GCFC2: variants seen among roughly 807,000 people sequenced by gnomAD.
GCFC2 encodes GC-rich sequence DNA-binding factor 2.
A neutral mutation model predicts 99.4 loss-of-function variants in GCFC2; 102 were observed. That is an observed-to-expected ratio of 1.03 (90% CI 0.87 to 1.21). GCFC2 has a LOEUF of 1.21. Ranked by LOEUF, GCFC2 falls within the 50% of genes most tolerant of loss-of-function variation. The probability of loss-of-function intolerance (pLI) is 0.00; values close to 1 mark genes in which losing one functional copy is unlikely to be tolerated. For synonymous variants in GCFC2, 338 were observed against 316.8 expected, an observed-to-expected ratio of 1.07 and a Z score of -0.71; for missense variants, 973 against 920.9, an observed-to-expected ratio of 1.06 and a Z score of -0.73.
chr2:75,674,955 T>C (rs1263793097), intron 12 of GCFC2, among the ~76,000 whole-genome samples: 1 of 152,172 alleles, frequency 6.6e-6, no homozygotes, highest in Non-Finnish European at 1.5e-5. Context: ...CTAGACAGTA[T>C]CTCCAAAAAA....
intron 8 of GCFC2, among the ~76,000 whole-genome samples, 194 bp from the exon 9 acceptor site, chr2:75,690,275 T>C (rs1048461974): frequency 2.0e-5 from 3 of 152,198 alleles, no homozygotes; most frequent in African/African-American, 7.2e-5. Flanking sequence ...TAGTTTGAGT[T>C]GGTGGTTCTG....
intron 1 of GCFC2, among the ~76,000 whole-genome samples, chr2:75,708,450 A>G (rs1450813866): frequency 1.3e-5 from 2 of 151,264 alleles, no homozygotes; most frequent in African/African-American, 4.9e-5. Flanking sequence ...CAGAGTTTTA[A>G]GGTAAGAGCA....
chr2:75,710,782 G>A lies in GCFC2; in HGVS notation c.74C>T (p.Ser25Leu). 1 of 1,575,852 alleles carries A rather than the reference G, an allele frequency of 6.3e-7. No individual in the cohort carries two copies. Among genetic ancestry groups the A allele is most frequent in the Non-Finnish European group, 8.6e-7 (1 of 1,166,304 alleles). ...DSSDSDGAEE[S>L]PAEPGAPREL... ...CCTCGGCGCCCCAGGCTCAGCAGGC[G>A]ACTCCTCGGCGCCATCGCTGTCGCT... The change falls in exon 1 of 17, where the codon TCG (serine) becomes TTG (leucine). Residue 25 changes from serine to leucine, a missense_variant. Ser to Leu is a moderately radical substitution (Grantham distance 145). Transcript: ENST00000321027.
intron 6 of GCFC2, among the ~76,000 whole-genome samples, chr2:75,692,613 C>T (rs1680135603): frequency 6.6e-6 from 1 of 151,284 alleles, no homozygotes; most frequent in Admixed American, 6.6e-5. Context: ...CACCACTGCA[C>T]TCCAGCCTGG....
In GCFC2 at chr2:75,694,553, T is replaced by C. The variant is rs75383497; in HGVS notation, c.834-126A>G. ...TATAAATCTGGGTTTATAGACTAGA[T>C]AAGCAAAGAACACCACAATAAAAGG... On this transcript the variant is annotated intron_variant, in intron 5 of 16. Coordinates refer to ENST00000321027, the MANE Select transcript of GCFC2 (RefSeq NM_003203.5). The C allele has an allele frequency of 9.5e-4, 386 of 407,684 alleles. 3 individuals carry two copies. Among genetic ancestry groups the C allele is most frequent in the Non-Finnish European group, 6.1e-4 (143 of 235,634 alleles). 25.3% of individuals were successfully genotyped at this position (407,684 alleles called of 1,614,324 possible).
At chr2:75,710,196 T>C (rs1020939236) in intron 1 of GCFC2, among the ~76,000 whole-genome samples, 7 of 152,228 alleles carry the variant, frequency 4.6e-5, no homozygotes, top group Non-Finnish European at 1.0e-4. Context: ...AAAGATAAGT[T>C]GGTCAAGTGT....
In GCFC2 at chr2:75,706,682, AAG is replaced by A. The variant is rs777245740; in HGVS notation, c.266-33_266-32del. 11 of 1,469,088 alleles carry A rather than the reference AAG, an allele frequency of 7.5e-6. 1 individual carries two copies. In the South Asian group the frequency reaches 1.3e-4, roughly 18 times the overall value. The allele number at this position is 1,469,088 out of a possible 1,614,324, so 91.0% of individuals were successfully genotyped here. On this transcript the variant is annotated intron_variant, in intron 1 of 16. Transcript: ENST00000321027. ...AGGACATTTTAAAAATACAACAAAA[AAG>A]AGTCAAAATAATGGAATTATTAATT... is the stretch of plus-strand genomic sequence containing the variant.
intron 10 of GCFC2, among the ~76,000 whole-genome samples, chr2:75,688,819 G>A (rs1679927765): frequency 6.6e-6 from 1 of 152,078 alleles, no homozygotes; most frequent in African/African-American, 2.4e-5. Flanking sequence ...TTGCTTTACT[G>A]ATGTTAATGA....
chr2:75,681,283 G>A (rs951671235), intron 11 of GCFC2, among the ~76,000 whole-genome samples: 2 of 152,204 alleles, frequency 1.3e-5, no homozygotes, highest in Admixed American at 6.5e-5. Flanking sequence ...CAGAGGGTGA[G>A]CTGAAGCAAG....
At chr2:75,709,775 T>G (rs909954511) in intron 1 of GCFC2, among the ~76,000 whole-genome samples, 42 of 152,204 alleles carry the variant, frequency 2.8e-4, no homozygotes, top group African/African-American at 8.9e-4. Flanking sequence ...TAGACACATT[T>G]CAAACATCAT....
chr2:75,710,421 C>G, intron 1 of GCFC2, 170 bp downstream of exon 1: 1 of 1,361,414 alleles, frequency 7.3e-7, no homozygotes. Context: ...GGCAAGTGCT[C>G]GAGCTATTTT....
chr2:75,683,806 A>AAAGC (rs1679692490), intron 11 of GCFC2, among the ~76,000 whole-genome samples: 1 of 151,772 alleles, frequency 6.6e-6, no homozygotes, highest in Non-Finnish European at 1.5e-5. Flanking sequence ...AAAAGAAAAA[A>AAAGC]AAGCATGAGT....
At chr2:75,677,544 G>GCA (rs940910936) in intron 12 of GCFC2, among the ~76,000 whole-genome samples, 2 of 152,306 alleles carry the variant, frequency 1.3e-5, no homozygotes, top group Admixed American at 6.5e-5. Flanking sequence ...ATACTATAGT[G>GCA]CACAGGACAA....
At chr2:75,701,088 G>A (rs1680567853) in intron 4 of GCFC2, 102 bp downstream of exon 4, 3 of 694,324 alleles carry the variant, frequency 4.3e-6, no homozygotes, top group Non-Finnish European at 5.0e-6. Flanking sequence ...TGGCCTCCAC[G>A]CTGTGAGAGA....
intron 10 of GCFC2, among the ~76,000 whole-genome samples, chr2:75,688,346 C>T (rs1414291782): frequency 6.6e-6 from 1 of 152,178 alleles, no homozygotes; most frequent in Non-Finnish European, 1.5e-5. Context: ...AAAATTCATC[C>T]ACTTCAAGCA....
chr2:75,695,859 C>T (rs757178548), intron 5 of GCFC2, among the ~76,000 whole-genome samples: 22 of 152,142 alleles, frequency 1.4e-4, no homozygotes, highest in African/African-American at 5.3e-4. Flanking sequence ...TCATCCTGGG[C>T]AGGATGAAGC....
intron 14 of GCFC2, 67 bp from the exon 15 acceptor site, chr2:75,670,351 A>G: frequency 8.9e-7 from 1 of 1,128,788 alleles, no homozygotes; most frequent in Non-Finnish European, 1.3e-6. Context: ...TCTCTAACAA[A>G]CATGAAGAGT....
intron 10 of GCFC2, among the ~76,000 whole-genome samples, chr2:75,688,794 TA>T (rs3836197): frequency 0.19 from 29,064 of 151,096 alleles, 3,461 homozygotes; most frequent in South Asian, 0.27. Flanking sequence ...TACAAGAAGC[TA>T]AAAAAAAATG....
chr2:75,696,071 C>T, intron 5 of GCFC2, 129 bp downstream of exon 5: 1 of 497,194 alleles, frequency 2.0e-6, no homozygotes, highest in East Asian at 3.1e-5. Context: ...TATGATAACA[C>T]AGGAGATCCT....
Sources: allele counts gnomAD v4.1 joint callset (sites outside exome capture counted in the v4.1 genomes callset), GRCh38; gene constraint gnomAD v4.1.1; transcripts MANE v1.5; gene names NCBI Gene and HGNC (gene_info 2026-07-23, HGNC 2026-07-21).